The following KCTD16 variants were observed in gnomAD, a reference collection of about 807,000 sequenced individuals.
KCTD16 encodes the protein potassium channel tetramerization domain containing 16, also known as BTB/POZ domain-containing protein KCTD16.
Under a neutral mutation model 33.2 loss-of-function variants are expected in KCTD16, and 13 were observed. The observed-to-expected ratio is 0.39, with a 90% confidence interval of 0.25 to 0.62. KCTD16 has a LOEUF of 0.62. Among genes scored for constraint, KCTD16 ranks in the 20% least tolerant of loss-of-function variants. The pLI is 0.50. For missense variants in KCTD16, 441 were observed against 525.1 expected, an observed-to-expected ratio of 0.84 and a Z score of 1.57; for synonymous variants, 197 against 195.3, an observed-to-expected ratio of 1.01 and a Z score of -0.07.
intron 3 of KCTD16, among the ~76,000 whole-genome samples, chr5:144,343,700 C>T (rs954376141): frequency 2.0e-5 from 3 of 152,122 alleles, no homozygotes; most frequent in South Asian, 2.1e-4. Flanking sequence ...CTTTCCTGCT[C>T]TCTCTTGTTG....
chr5:144,196,582 T>C (rs2126783134), intron 2 of KCTD16, among the ~76,000 whole-genome samples: 1 of 152,314 alleles, frequency 6.6e-6, no homozygotes, highest in Middle Eastern at 3.4e-3. Context: ...CACAGATGTA[T>C]GTAACTACTC....
chr5:144,388,165 C>T (rs983590061), intron 3 of KCTD16, among the ~76,000 whole-genome samples: 2 of 147,432 alleles, frequency 1.4e-5, no homozygotes, highest in East Asian at 2.0e-4. Context: ...CTGCAAGCTC[C>T]GCCTCCCGGG....
At chr5:144,177,223 C>T (rs1044692154) in intron 2 of KCTD16, among the ~76,000 whole-genome samples, 18 of 152,138 alleles carry the variant, frequency 1.2e-4, no homozygotes, top group African/African-American at 4.1e-4. Context: ...GCTTGAACCA[C>T]AGTAACTGTC....
At chr5:144,264,913 T>TA (rs200402259) in intron 3 of KCTD16, among the ~76,000 whole-genome samples, 4 of 152,212 alleles carry the variant, frequency 2.6e-5, no homozygotes, top group Non-Finnish European at 2.9e-5. Context: ...ACATGTTTAC[T>TA]AAAAAAACTC....
chr5:144,451,585 G>A (rs1258340614), intron 3 of KCTD16, among the ~76,000 whole-genome samples: 1 of 152,082 alleles, frequency 6.6e-6, no homozygotes, highest in East Asian at 1.9e-4. Context: ...CACGAATTGT[G>A]AAATAGAACG....
intron 3 of KCTD16, 62 bp from the exon 4 acceptor site, chr5:144,473,598 A>G: frequency 2.1e-6 from 3 of 1,411,406 alleles, no homozygotes; most frequent in African/African-American, 1.4e-5. Context: ...TCCAAGTGCT[A>G]TACTGCTACT....
chr5:144,191,018 C>T (rs1752830146), intron 2 of KCTD16, among the ~76,000 whole-genome samples: 1 of 152,246 alleles, frequency 6.6e-6, no homozygotes, highest in Non-Finnish European at 1.5e-5. Flanking sequence ...ATTCAATGTA[C>T]ACCATTCTTC....
At chr5:144,343,637 G>A (rs1752704992) in intron 3 of KCTD16, among the ~76,000 whole-genome samples, 1 of 151,886 alleles carries the variant, frequency 6.6e-6, no homozygotes, top group South Asian at 2.1e-4. Flanking sequence ...GAATGTGTTT[G>A]CTCTTGCTTT....
intron 2 of KCTD16, among the ~76,000 whole-genome samples, chr5:144,193,845 A>G (rs1460694877): frequency 6.6e-6 from 1 of 152,172 alleles, no homozygotes; most frequent in East Asian, 1.9e-4. Flanking sequence ...GGGTAGACTT[A>G]ATTATTGAGT....
chr5:144,229,475 G>A (rs2126811116), intron 3 of KCTD16, among the ~76,000 whole-genome samples: 1 of 152,258 alleles, frequency 6.6e-6, no homozygotes, highest in Non-Finnish European at 1.5e-5. Flanking sequence ...GACTAAAGGA[G>A]GATGAGATTT....
intron 2 of KCTD16, among the ~76,000 whole-genome samples, chr5:144,197,447 A>G: frequency 6.6e-6 from 1 of 152,184 alleles, no homozygotes; most frequent in East Asian, 1.9e-4. Flanking sequence ...TTATATCCAG[A>G]TGAAACTTCT....
chr5:144,182,521 G>C (rs1752647282), intron 2 of KCTD16, among the ~76,000 whole-genome samples: 1 of 152,230 alleles, frequency 6.6e-6, no homozygotes, highest in African/African-American at 2.4e-5. Flanking sequence ...CAAAGTAGCA[G>C]TTATGAGGAT....
chr5:144,188,465 T>C (rs1752772683), intron 2 of KCTD16, among the ~76,000 whole-genome samples: 3 of 152,196 alleles, frequency 2.0e-5, no homozygotes, highest in Admixed American at 1.3e-4. Flanking sequence ...ACTCTTTTCT[T>C]TAACCCACAA....
At chr5:144,210,421 G>T (rs1459174382) in intron 3 of KCTD16, among the ~76,000 whole-genome samples, 1 of 152,084 alleles carries the variant, frequency 6.6e-6, no homozygotes, top group Non-Finnish European at 1.5e-5. Flanking sequence ...AGTGATAGAG[G>T]AACATAGAAA....
At chr5:144,357,214 G>A (rs1333540790) in intron 3 of KCTD16, among the ~76,000 whole-genome samples, 1 of 151,982 alleles carries the variant, frequency 6.6e-6, no homozygotes, top group East Asian at 1.9e-4. Context: ...AGTTTTCAGG[G>A]TGTTCCCTGC....
At chr5:144,451,777 G>T (rs893600017) in intron 3 of KCTD16, among the ~76,000 whole-genome samples, 2 of 152,098 alleles carry the variant, frequency 1.3e-5, no homozygotes, top group Non-Finnish European at 2.9e-5. Context: ...TGAATGCATT[G>T]CATTTCCTGA....
chr5:144,417,685 A>C (rs1753096205), intron 3 of KCTD16, among the ~76,000 whole-genome samples: 1 of 152,114 alleles, frequency 6.6e-6, no homozygotes, highest in Non-Finnish European at 1.5e-5. Flanking sequence ...ACCCAAGGTC[A>C]TGGAGATTTA....
At chr5:144,320,391 A>G (rs1038673140) in intron 3 of KCTD16, among the ~76,000 whole-genome samples, 1 of 152,218 alleles carries the variant, frequency 6.6e-6, no homozygotes, top group African/African-American at 2.4e-5. Context: ...TGGCAAAGAA[A>G]GAAAAGCTCT....
At chr5:144,314,088 C>T (rs1165444353) in intron 3 of KCTD16, among the ~76,000 whole-genome samples, 2 of 152,124 alleles carry the variant, frequency 1.3e-5, no homozygotes. Flanking sequence ...TTACAAGAAT[C>T]ACACAACAGA....
Sources: allele counts gnomAD v4.1 joint callset (sites outside exome capture counted in the v4.1 genomes callset), GRCh38; gene constraint gnomAD v4.1.1; transcripts MANE v1.5; gene names NCBI Gene and HGNC (gene_info 2026-07-23, HGNC 2026-07-21).